SNX14: variants seen among roughly 807,000 people sequenced by gnomAD.
SNX14 encodes sorting nexin 14.
SNX14 carries 93 observed loss-of-function variants against 133.8 expected under a neutral mutation model. That is an observed-to-expected ratio of 0.70 (90% CI 0.59 to 0.83). The LOEUF is 0.83. Among genes scored for constraint, SNX14 ranks in the 40% least tolerant of loss-of-function variants. The probability of loss-of-function intolerance (pLI) is 0.00; values close to 1 mark genes in which losing one functional copy is unlikely to be tolerated. For missense variants in SNX14, 945 were observed against 1,094.9 expected, an observed-to-expected ratio of 0.86 and a Z score of 1.93; for synonymous variants, 368 against 365.6, an observed-to-expected ratio of 1.01 and a Z score of -0.07.
chr6:85,543,923 A>G (rs2128077297), intron 12 of SNX14, 163 bp from the exon 13 acceptor site: 1 of 317,806 alleles, frequency 3.1e-6, no homozygotes, highest in East Asian at 5.5e-5. Context: ...TAACTACTCA[A>G]TAAAAGAGAA....
chr6:85,577,344 G>A (rs1797668189), intron 1 of SNX14, among the ~76,000 whole-genome samples: 1 of 152,232 alleles, frequency 6.6e-6, no homozygotes, highest in South Asian at 2.1e-4. Context: ...CTTGAACCTG[G>A]GAGGTGGAGG....
At chr6:85,516,179 G>A (rs977931981) in intron 23 of SNX14, among the ~76,000 whole-genome samples, 1 of 152,052 alleles carries the variant, frequency 6.6e-6, no homozygotes, top group African/African-American at 2.4e-5. Flanking sequence ...TTCATCTGCT[G>A]CAAAACACTC....
At chr6:85,521,322 C>A (rs1227088941) in intron 21 of SNX14, among the ~76,000 whole-genome samples, 1 of 152,118 alleles carries the variant, frequency 6.6e-6, no homozygotes, top group African/African-American at 2.4e-5. Context: ...TAACCTCGAA[C>A]TTTCTGGGCT....
intron 21 of SNX14, among the ~76,000 whole-genome samples, chr6:85,523,540 T>C (rs1400333076): frequency 1.3e-5 from 2 of 152,166 alleles, no homozygotes; most frequent in Admixed American, 1.3e-4. Context: ...TTTGGGAGGC[T>C]GAGGCAGACG....
chr6:85,566,655 G>A (rs1328522465), intron 5 of SNX14, among the ~76,000 whole-genome samples: 6 of 151,084 alleles, frequency 4.0e-5, no homozygotes, highest in Non-Finnish European at 4.4e-5. Context: ...CTGAGGTCGC[G>A]CCACTGCACT....
intron 2 of SNX14, 51 bp downstream of exon 2, chr6:85,574,207 A>G: frequency 7.6e-7 from 1 of 1,314,526 alleles, no homozygotes; most frequent in Non-Finnish European, 1.0e-6. Flanking sequence ...AATAATAAAC[A>G]GCTTAGGCTC....
chr6:85,570,483 C>T (rs918528569), intron 4 of SNX14, among the ~76,000 whole-genome samples: 2 of 152,150 alleles, frequency 1.3e-5, no homozygotes, highest in Non-Finnish European at 2.9e-5. Context: ...TAAAAAGAAA[C>T]AGGTGAAATT....
intron 18 of SNX14, among the ~76,000 whole-genome samples, chr6:85,531,529 C>A (rs530235347): frequency 6.6e-6 from 1 of 152,114 alleles, no homozygotes; most frequent in African/African-American, 2.4e-5. Flanking sequence ...TAAAGCAAAT[C>A]GTAGTTTTCT....
intron 6 of SNX14, among the ~76,000 whole-genome samples, chr6:85,562,107 T>C (rs1332394683): frequency 6.6e-6 from 1 of 152,214 alleles, no homozygotes; most frequent in Non-Finnish European, 1.5e-5. Flanking sequence ...ATATTTGATT[T>C]TATGTTCCTG....
chr6:85,574,954 T>C (rs908884286), intron 1 of SNX14, among the ~76,000 whole-genome samples: 8 of 152,120 alleles, frequency 5.3e-5, no homozygotes, highest in Admixed American at 5.2e-4. Flanking sequence ...AACAGAAAAG[T>C]TTTTTCAGAG....
At position 85,565,434 on chromosome 6, in the gene SNX14, A is replaced by G. The variant is rs1793492158; in HGVS notation, c.462-15T>C. 1 of 1,556,732 alleles carries G rather than the reference A, an allele frequency of 6.4e-7. No homozygotes were observed. Among genetic ancestry groups the G allele is most frequent in the Non-Finnish European group, 8.7e-7 (1 of 1,143,436 alleles). Reference sequence around the variant, plus strand: ...CTGTCACATCCCTTCAATAAGGAGAAAAACAAATATTCAGAAGTTCAGAGA... The same window carrying G: ...CTGTCACATCCCTTCAATAAGGAGAGAAACAAATATTCAGAAGTTCAGAGA... On this transcript the variant is annotated splice_polypyrimidine_tract_variant and intron_variant, in intron 5 of 28. Transcript: ENST00000314673.
chr6:85,534,913 T>C (rs1162571745), intron 17 of SNX14, among the ~76,000 whole-genome samples: 2 of 151,322 alleles, frequency 1.3e-5, no homozygotes, highest in African/African-American at 4.8e-5. Flanking sequence ...GTACGTGGCA[T>C]TTAAATTTTT....
At position 85,507,303 on chromosome 6, in the gene SNX14, AAAT is replaced by A. The variant is rs761529962; in HGVS notation, c.2746-17_2746-15del. 8.2e-6 allele frequency: 13 copies of A among 1,594,254 alleles called. No homozygotes were observed. The highest frequency in any genetic ancestry group is 2.2e-5 in the East Asian group (1 of 44,604). On this transcript the variant is annotated splice_polypyrimidine_tract_variant and intron_variant, in intron 27 of 28. Coordinates refer to ENST00000314673, the MANE Select transcript of SNX14 (RefSeq NM_153816.6). ...AACATAAGTCAGCTAAAGCACCAAAAAATAATAATAATAAATGTTAAGGCACTA... is the reference window on the plus strand; with the variant it reads ...AACATAAGTCAGCTAAAGCACCAAAAAATAATAATAAATGTTAAGGCACTA...
chr6:85,509,767 T>C (rs1156914168), intron 26 of SNX14, among the ~76,000 whole-genome samples: 2 of 152,182 alleles, frequency 1.3e-5, no homozygotes, highest in East Asian at 3.9e-4. Context: ...TATGTAACCA[T>C]CATTATAGAG....
intron 5 of SNX14, among the ~76,000 whole-genome samples, chr6:85,566,184 G>A (rs945659854): frequency 6.6e-6 from 1 of 152,208 alleles, no homozygotes; most frequent in Admixed American, 6.5e-5. Flanking sequence ...TGTCGAAAGT[G>A]TCGTAATGAG....
intron 26 of SNX14, among the ~76,000 whole-genome samples, chr6:85,511,442 G>A (rs1772782808): frequency 6.6e-6 from 1 of 152,166 alleles, no homozygotes; most frequent in Non-Finnish European, 1.5e-5. Context: ...AGGACTTCGA[G>A]TACAATGTTG....
At chr6:85,536,758 T>G (rs1336406963) in intron 17 of SNX14, 34 bp downstream of exon 17, 1 of 1,592,600 alleles carries the variant, frequency 6.3e-7, no homozygotes, top group Non-Finnish European at 8.5e-7. Flanking sequence ...AAGTCTGAAG[T>G]TATAAATAAA....
chr6:85,556,880 C>A (rs1430826019), intron 7 of SNX14, among the ~76,000 whole-genome samples: 1 of 152,016 alleles, frequency 6.6e-6, no homozygotes, highest in Non-Finnish European at 1.5e-5. Context: ...TATCAAAGGG[C>A]AAATAAACTA....
rs765165360 is a variant in SNX14 at position 85,508,320 on chromosome 6, T to TAA, written c.2654-263_2654-262dup. ...ATGCAAACTCTGAGAAATGCTGCAG[T>TAA]AAAAAAAAAAAAAAAAAAAATCTGC... On this transcript the variant is annotated intron_variant, in intron 26 of 28. Transcript: ENST00000314673. 670 of 868,110 alleles carry TAA rather than the reference T, an allele frequency of 7.7e-4. 1 individual carries two copies. The highest frequency in any genetic ancestry group is 5.1e-3 in the African/African-American group (212 of 41,544). 53.8% of individuals were successfully genotyped at this position (868,110 alleles called of 1,614,324 possible). A position where few individuals can be genotyped will look rare whatever the true frequency, so the allele number is the denominator to read the frequency against.
Sources: gnomAD v4.1 joint callset for allele counts (sites outside exome capture counted in the v4.1 genomes callset) on GRCh38, gnomAD v4.1.1 for gene constraint, MANE v1.5 for transcripts, NCBI Gene and HGNC (gene_info 2026-07-23, HGNC 2026-07-21) for gene names.